FAP: variants seen among roughly 807,000 people sequenced by gnomAD.
FAP encodes the protein prolyl endopeptidase FAP.
Under a neutral mutation model 126.5 loss-of-function variants are expected in FAP, and 110 were observed. The observed-to-expected ratio is 0.87, with a 90% CI of 0.74 to 1.02. The LOEUF is 1.02. Ranked by LOEUF, FAP falls within the 50% of genes least tolerant of loss-of-function variation. The pLI, the probability that FAP is intolerant of heterozygous loss-of-function variation, is 0.00. For synonymous variants in FAP, 334 were observed against 297.3 expected, an observed-to-expected ratio of 1.12 and a Z score of -1.27; for missense variants, 919 against 909.2, an observed-to-expected ratio of 1.01 and a Z score of -0.14.
At chr2:162,190,548 A>C (rs1688008508) in intron 17 of FAP, among the ~76,000 whole-genome samples, 1 of 152,120 alleles carries the variant, frequency 6.6e-6, no homozygotes. Context: ...GAATCTGTAG[A>C]TTGGTAATAC....
rs375561827 is a variant in FAP, at chr2:162,203,251, G to C, written c.1048-106C>G. On this transcript the variant is annotated intron_variant, in intron 12 of 25. Coordinates refer to ENST00000188790, the MANE Select transcript of FAP (RefSeq NM_004460.5). ...CGTATGGTCATAGTTATAGGAATCAGAATGTCTCGCCTCCTCTGTCTTCTG... is the reference window on the plus strand; with the variant it reads ...CGTATGGTCATAGTTATAGGAATCACAATGTCTCGCCTCCTCTGTCTTCTG... 77 of 664,694 alleles carry C rather than the reference G, an allele frequency of 1.2e-4. No homozygotes were observed. The African/African-American group carries it at 1.3e-3, about 11-fold the overall frequency. 41.2% of individuals were successfully genotyped at this position (664,694 alleles called of 1,614,324 possible). A position where few individuals can be genotyped will look rare whatever the true frequency, so the allele number is the denominator to read the frequency against.
At chr2:162,238,190 T>A (rs1007602503) in intron 2 of FAP, among the ~76,000 whole-genome samples, 1 of 152,206 alleles carries the variant, frequency 6.6e-6, no homozygotes, top group African/African-American at 2.4e-5. Context: ...GTGCAGAAGC[T>A]CTTTAGTTTA....
chr2:162,236,542 G>A (rs937867951), intron 2 of FAP, among the ~76,000 whole-genome samples: 3 of 150,856 alleles, frequency 2.0e-5, no homozygotes, highest in Middle Eastern at 3.2e-3. Flanking sequence ...CTTAAGTATT[G>A]GTAGTTAGTA....
intron 11 of FAP, 125 bp downstream of exon 11, chr2:162,213,813 C>T: frequency 1.1e-6 from 1 of 876,114 alleles, no homozygotes. Flanking sequence ...TGTGTTTTTG[C>T]AAAGCAGTTG....
chr2:162,171,852 G>A (rs1254472475), intron 25 of FAP: 2 of 152,018 alleles, frequency 1.3e-5, no homozygotes, highest in East Asian at 3.9e-4. Flanking sequence ...AATACAATGT[G>A]TAATGATCAA....
At chr2:162,178,481 G>A (rs758233572) in intron 21 of FAP, among the ~76,000 whole-genome samples, 5 of 152,072 alleles carry the variant, frequency 3.3e-5, no homozygotes, top group African/African-American at 7.2e-5. Context: ...CTCCCCCAGC[G>A]TGACAATTAA....
chr2:162,229,682 T>C (rs1689811830), intron 2 of FAP, among the ~76,000 whole-genome samples: 1 of 152,166 alleles, frequency 6.6e-6, no homozygotes, highest in Middle Eastern at 3.2e-3. Flanking sequence ...TTATCAGAGT[T>C]CTCAAAAAGA....
At chr2:162,207,620 C>T (rs545390409) in intron 12 of FAP, among the ~76,000 whole-genome samples, 33 of 152,018 alleles carry the variant, frequency 2.2e-4, no homozygotes, top group East Asian at 5.8e-4. Flanking sequence ...GGGCTGGGCG[C>T]GGTGGCTCAT....
chr2:162,205,432 T>C (rs1385478249), intron 12 of FAP, among the ~76,000 whole-genome samples: 1 of 152,222 alleles, frequency 6.6e-6, no homozygotes, highest in Non-Finnish European at 1.5e-5. Flanking sequence ...AATCCTTCTT[T>C]CATTTCAGAA....
chr2:162,179,794 A>AATC (rs1687624707), intron 21 of FAP, among the ~76,000 whole-genome samples: 1 of 64,596 alleles, frequency 1.5e-5, no homozygotes, highest in Non-Finnish European at 5.2e-5. Context: ...ATCTATCTAT[A>AATC]TATATATATA....
chr2:162,243,139 T>A, intron 1 of FAP, 147 bp from the exon 2 acceptor site: 1 of 804,716 alleles, frequency 1.2e-6, no homozygotes, highest in Non-Finnish European at 2.0e-6. Flanking sequence ...TTGCTGGAAT[T>A]CTTCCAGCTC....
intron 19 of FAP, among the ~76,000 whole-genome samples, 154 bp from the exon 20 acceptor site, chr2:162,188,517 C>A (rs1346806010): frequency 1.3e-5 from 2 of 152,048 alleles, no homozygotes; most frequent in Non-Finnish European, 2.9e-5. Context: ...GGAGTCCAGG[C>A]TTTTCCCAGA....
intron 11 of FAP, among the ~76,000 whole-genome samples, 171 bp from the exon 12 acceptor site, chr2:162,210,167 A>C (rs530476065): frequency 6.6e-5 from 10 of 152,294 alleles, no homozygotes; most frequent in African/African-American, 2.4e-4. Flanking sequence ...ATATAACAGC[A>C]CTGTTGTATA....
At chr2:162,225,459 G>T in intron 4 of FAP, 24 bp downstream of exon 4, 1 of 1,588,772 alleles carries the variant, frequency 6.3e-7, no homozygotes, top group South Asian at 1.1e-5. Context: ...GTTTCTGAGG[G>T]GGAAGATGAT....
intron 2 of FAP, among the ~76,000 whole-genome samples, chr2:162,235,331 C>G (rs114863710): frequency 1.5e-3 from 228 of 152,302 alleles, no homozygotes; most frequent in Non-Finnish European, 2.6e-3. Flanking sequence ...GGCAGCTCCA[C>G]CTGCGGCTCC....
At chr2:162,212,752 TAGA>T (rs1229112170) in intron 11 of FAP, among the ~76,000 whole-genome samples, 2 of 152,332 alleles carry the variant, frequency 1.3e-5, no homozygotes, top group Admixed American at 6.5e-5. Flanking sequence ...TCTTCATAAT[TAGA>T]AGACTCACAA....
rs529923786 is a variant in FAP, at chr2:162,202,045, C to T, written c.1223+827G>A. ...ATAGATTTCCGACAGGCTTTTATTC[C>T]ATGAGCCTGGACTAATGGTCCTCAT... On this transcript the variant is annotated intron_variant, in intron 14 of 25. Transcript: ENST00000188790. Among the ~76,000 whole-genome samples, 14 of 152,328 alleles carry T rather than the reference C, an allele frequency of 9.2e-5. No homozygotes were observed. In the East Asian group the frequency reaches 1.7e-3, roughly 19 times the overall value.
At chr2:162,221,815 T>C in intron 6 of FAP, 1 of 447,548 alleles carries the variant, frequency 2.2e-6, no homozygotes, top group South Asian at 1.6e-5. Flanking sequence ...ACCAGTAGTT[T>C]TGTTTTCTCT....
chr2:162,223,506 A>G, intron 6 of FAP, 102 bp downstream of exon 6: 1 of 760,974 alleles, frequency 1.3e-6, no homozygotes, highest in Non-Finnish European at 2.3e-6. Flanking sequence ...AGAAACAAAG[A>G]TCATTAAGAA....
Sources: gnomAD v4.1 joint callset for allele counts (sites outside exome capture counted in the v4.1 genomes callset) on GRCh38, gnomAD v4.1.1 for gene constraint, MANE v1.5 for transcripts, NCBI Gene and HGNC (gene_info 2026-07-23, HGNC 2026-07-21) for gene names.